Variants in SCFD2 observed in about 807,000 individuals in gnomAD.
SCFD2 encodes sec1 family domain-containing protein 2.
In SCFD2, 54 loss-of-function variants were observed where a neutral mutation model predicts 58.9. The ratio of observed to expected loss-of-function variants is 0.92; its 90% confidence interval spans 0.74 to 1.15. SCFD2 has a LOEUF of 1.15. Ranked by LOEUF, SCFD2 falls within the 50% of genes most tolerant of loss-of-function variation. SCFD2 has a pLI of 0.00. For missense variants in SCFD2, 805 were observed against 836.6 expected, an observed-to-expected ratio of 0.96 and a Z score of 0.47; for synonymous variants, 321 against 335.9, an observed-to-expected ratio of 0.96 and a Z score of 0.49.
chr4:53,128,009 AT>A (rs1218701483), intron 5 of SCFD2, among the ~76,000 whole-genome samples: 2 of 131,834 alleles, frequency 1.5e-5, no homozygotes, highest in East Asian at 2.2e-4. Context: ...CAAAATACTG[AT>A]TTTTTTCACT....
chr4:53,176,573 CA>C (rs1727336870), intron 4 of SCFD2, among the ~76,000 whole-genome samples: 1 of 152,212 alleles, frequency 6.6e-6, no homozygotes, highest in Non-Finnish European at 1.5e-5. Flanking sequence ...CCATGCTAAA[CA>C]AATGGCAGCT....
At chr4:53,018,951 A>G (rs1375404094) in intron 5 of SCFD2, among the ~76,000 whole-genome samples, 2 of 152,218 alleles carry the variant, frequency 1.3e-5, no homozygotes, top group African/African-American at 4.8e-5. Context: ...AGGCCCTAAC[A>G]TGTCCAATTT....
At chr4:52,942,026 T>G (rs1720305934) in intron 5 of SCFD2, among the ~76,000 whole-genome samples, 1 of 152,144 alleles carries the variant, frequency 6.6e-6, no homozygotes, top group Non-Finnish European at 1.5e-5. Context: ...TTCAACCTGT[T>G]TATACTAATT....
At chr4:53,254,716 A>G (rs923590425) in intron 4 of SCFD2, among the ~76,000 whole-genome samples, 1 of 151,750 alleles carries the variant, frequency 6.6e-6, no homozygotes, top group Non-Finnish European at 1.5e-5. Flanking sequence ...GGCACTATCT[A>G]CTACTGTAGC....
At chr4:53,317,243 C>A (rs1732894183) in intron 2 of SCFD2, among the ~76,000 whole-genome samples, 1 of 152,138 alleles carries the variant, frequency 6.6e-6, no homozygotes, top group East Asian at 1.9e-4. Flanking sequence ...ATCAAGGGAA[C>A]ATTTACAAGT....
chr4:53,019,680 A>G (rs116238706), intron 5 of SCFD2, among the ~76,000 whole-genome samples: 5,314 of 152,226 alleles, frequency 0.035, 121 homozygotes, highest in East Asian at 0.066. Context: ...TATCACTTAA[A>G]AAAATCACCT....
At chr4:53,051,120 G>C (rs561946327) in intron 5 of SCFD2, among the ~76,000 whole-genome samples, 3 of 152,138 alleles carry the variant, frequency 2.0e-5, no homozygotes, top group African/African-American at 4.8e-5. Context: ...GTTCCTCACT[G>C]TATTCCTAGT....
chr4:53,135,779 A>C (rs1196901034), intron 5 of SCFD2, among the ~76,000 whole-genome samples: 1 of 151,852 alleles, frequency 6.6e-6, no homozygotes, highest in Non-Finnish European at 1.5e-5. Context: ...CACAGTCTCC[A>C]CCACTCCCTA....
intron 4 of SCFD2, among the ~76,000 whole-genome samples, chr4:53,200,860 T>C (rs1394927440): frequency 1.3e-5 from 2 of 149,426 alleles, no homozygotes; most frequent in Non-Finnish European, 2.9e-5. Flanking sequence ...CATTCATCTC[T>C]ATGCACATTA....
At chr4:52,903,372 G>A (rs1719269988) in intron 7 of SCFD2, among the ~76,000 whole-genome samples, 1 of 152,162 alleles carries the variant, frequency 6.6e-6, no homozygotes, top group Non-Finnish European at 1.5e-5. Flanking sequence ...AGGAGGGTCA[G>A]GGCCTCCTTT....
intron 5 of SCFD2, among the ~76,000 whole-genome samples, chr4:52,986,065 T>C (rs978641379): frequency 2.0e-5 from 3 of 152,012 alleles, no homozygotes; most frequent in African/African-American, 7.3e-5. Context: ...GTCAAGCAGA[T>C]CTCATGTTAA....
intron 5 of SCFD2, among the ~76,000 whole-genome samples, chr4:52,973,635 C>T (rs771440846): frequency 4.5e-4 from 68 of 152,172 alleles, no homozygotes; most frequent in African/African-American, 1.5e-3. Flanking sequence ...TTCCAATCAA[C>T]AGAAAAAGAG....
chr4:53,237,127 C>A (rs1729648974), intron 4 of SCFD2, among the ~76,000 whole-genome samples: 1 of 149,644 alleles, frequency 6.7e-6, no homozygotes, highest in Admixed American at 6.7e-5. Flanking sequence ...GTGGACACAG[C>A]ACATGTTTCA....
chr4:53,191,808 G>A (rs1437585431), intron 4 of SCFD2, among the ~76,000 whole-genome samples: 2 of 152,154 alleles, frequency 1.3e-5, no homozygotes, highest in African/African-American at 4.8e-5. Context: ...AAAACAGAAA[G>A]CACCAATTAG....
chr4:53,301,673 A>C (rs991777482), intron 3 of SCFD2, among the ~76,000 whole-genome samples: 62 of 152,218 alleles, frequency 4.1e-4, no homozygotes, highest in African/African-American at 1.2e-3. Flanking sequence ...GACCAATATC[A>C]TTGATGAACA....
intron 4 of SCFD2, among the ~76,000 whole-genome samples, chr4:53,246,143 G>T (rs1443399932): frequency 6.6e-6 from 1 of 151,946 alleles, no homozygotes; most frequent in Non-Finnish European, 1.5e-5. Context: ...AATCAGGGAG[G>T]GGAAAGATCT....
At chr4:53,257,792 T>G (rs950232936) in intron 4 of SCFD2, among the ~76,000 whole-genome samples, 4 of 152,182 alleles carry the variant, frequency 2.6e-5, no homozygotes, top group African/African-American at 9.6e-5. Context: ...ATCATAGTTT[T>G]TTTTAGATTT....
At chr4:53,250,099 G>A (rs1360212554) in intron 4 of SCFD2, among the ~76,000 whole-genome samples, 1 of 152,146 alleles carries the variant, frequency 6.6e-6, no homozygotes, top group Non-Finnish European at 1.5e-5. Flanking sequence ...TAAAAGGATG[G>A]AGGAAGATCT....
intron 5 of SCFD2, among the ~76,000 whole-genome samples, chr4:52,937,397 G>A (rs1720166252): frequency 1.3e-5 from 2 of 152,184 alleles, no homozygotes; most frequent in African/African-American, 4.8e-5. Flanking sequence ...GGCTGGAAAG[G>A]AAGGCACATT....
Sources: allele counts gnomAD v4.1 joint callset (sites outside exome capture counted in the v4.1 genomes callset), GRCh38; gene constraint gnomAD v4.1.1; transcripts MANE v1.5; gene names NCBI Gene and HGNC (gene_info 2026-07-23, HGNC 2026-07-21).